Variants in TTC19 observed in about 807,000 individuals in gnomAD.
The protein encoded by TTC19 is tetratricopeptide repeat domain 19.
Under a neutral mutation model 49.5 loss-of-function variants are expected in TTC19, and 38 were observed. The observed-to-expected ratio is 0.77, with a 90% CI of 0.59 to 1.01. TTC19 has a LOEUF of 1.01. Among genes scored for constraint, TTC19 ranks in the 50% least tolerant of loss-of-function variants. TTC19 has a pLI of 0.00. For synonymous variants in TTC19, 204 were observed against 185.2 expected (o/e 1.10, Z -0.83); for missense variants, 475 against 477.7 (o/e 0.99, Z 0.05).
At chr17:16,026,443 G>A in intron 8 of TTC19, 97 bp from the exon 9 acceptor site, 1 of 1,147,976 alleles carries the variant, frequency 8.7e-7, no homozygotes, top group African/African-American at 1.5e-5. Flanking sequence ...TGCTAGGAAA[G>A]ATGAAATCTT....
At chr17:16,032,429 G>A (rs1212826063), downstream of TTC19, 1 of 1,613,668 alleles carries the variant, frequency 6.2e-7, no homozygotes, top group Non-Finnish European at 8.5e-7. Context: ...CGGTGTTGGT[G>A]GAGTACTGCT....
Position 16,044,747 on chromosome 17 carries a change from T to C in TTC19, c.*192T>C, listed in dbSNP as rs1032244518. 7.6e-5 allele frequency: 60 copies of C among 794,374 alleles called. 2 individuals are homozygous for C. Among genetic ancestry groups the C allele is most frequent in the South Asian group, 7.4e-4 (55 of 74,644 alleles). 49.2% of individuals were successfully genotyped at this position (794,374 alleles called of 1,614,324 possible). A position where few individuals can be genotyped will look rare whatever the true frequency, so the allele number is the denominator to read the frequency against. On this transcript the variant is annotated 3_prime_UTR_variant, in exon 3 of 3. Coordinates refer to the TTC19 transcript ENST00000470649. ...AGCTGGTGTAAATGTTGAACCTTTT[T>C]GGTCCAGCTTGTTTGCAATGGCCCT... is the stretch of plus-strand genomic sequence containing the variant.
intron 7 of TTC19, chr17:16,024,675 C>T (rs1231555011): frequency 3.1e-6 from 1 of 319,982 alleles, no homozygotes; most frequent in Non-Finnish European, 6.0e-6. Flanking sequence ...CTGTCTTCTT[C>T]CTGCATTGTT....
chr17:16,027,303 GCT>G (rs1441734031), intron 9 of TTC19, 69 bp from the exon 10 acceptor site: 77 of 1,572,784 alleles, frequency 4.9e-5, no homozygotes, highest in South Asian at 4.3e-4. Context: ...CTGCATTCAT[GCT>G]CTCTCTTCAG....
In TTC19 at chr17:16,027,628, T is replaced by C. The variant is rs1418512983; in HGVS notation, c.*106T>C. On this transcript the variant is annotated 3_prime_UTR_variant, in exon 10 of 10. Coordinates refer to ENST00000261647, the MANE Select transcript of TTC19 (RefSeq NM_017775.4). ...TGGCTTAAATCTGTCGTTTTTGATA[T>C]TCAGGTTTCCTCAATTTAGCCTTAG... 1.4e-6 allele frequency: 2 copies of C among 1,380,354 alleles called. No homozygotes were observed. Among genetic ancestry groups the C allele is most frequent in the South Asian group, 1.2e-5 (1 of 83,026 alleles). The allele number at this position is 1,380,354 out of a possible 1,614,324, so 85.5% of individuals were successfully genotyped here. A position where few individuals can be genotyped will look rare whatever the true frequency, so the allele number is the denominator to read the frequency against.
chr17:16,043,225 T>C (rs564484926), intron 2 of TTC19, among the ~76,000 whole-genome samples: 1 of 152,334 alleles, frequency 6.6e-6, no homozygotes, highest in South Asian at 2.1e-4. Context: ...ATAAAGTCAC[T>C]GATGTCCTTG....
chr17:16,003,805 G>T (rs182887842), intron 4 of TTC19, 26 bp from the exon 5 acceptor site: 375 of 1,607,044 alleles, frequency 2.3e-4, no homozygotes, highest in Middle Eastern at 5.0e-4. Flanking sequence ...CCAATTAAAA[G>T]AAAAATCTTT....
chr17:16,006,323 T>C, intron 6 of TTC19, 151 bp from the exon 7 acceptor site: 1 of 650,336 alleles, frequency 1.5e-6, no homozygotes, highest in Non-Finnish European at 2.8e-6. Flanking sequence ...GGCAGGAGAA[T>C]CGCTTGAACC....
At chr17:16,002,711 A>C in intron 3 of TTC19, 82 bp from the exon 4 acceptor site, 1 of 1,381,910 alleles carries the variant, frequency 7.2e-7, no homozygotes, top group Non-Finnish European at 1.0e-6. Flanking sequence ...TTGAGGGTGA[A>C]AGCAAAAGGG....
intron 2 of TTC19, among the ~76,000 whole-genome samples, chr17:16,037,698 C>T (rs1156878096): frequency 6.6e-6 from 1 of 152,216 alleles, no homozygotes; most frequent in East Asian, 1.9e-4. Flanking sequence ...AAAGGAAAAA[C>T]TGCAGAACAA....
chr17:16,013,562 CTG>C (rs1225556068), intron 7 of TTC19, among the ~76,000 whole-genome samples: 15 of 152,092 alleles, frequency 9.9e-5, no homozygotes, highest in African/African-American at 3.6e-4. Flanking sequence ...AAGCTGGTGA[CTG>C]TTTTCTTGCA....
chr17:16,019,777 C>CT (rs1389558471), intron 7 of TTC19, among the ~76,000 whole-genome samples: 2 of 152,130 alleles, frequency 1.3e-5, no homozygotes, highest in Non-Finnish European at 2.9e-5. Context: ...GGACTTGCAT[C>CT]TTTGTGCACA....
intron 7 of TTC19, among the ~76,000 whole-genome samples, chr17:16,012,686 A>G (rs1033609963): frequency 6.6e-6 from 1 of 151,710 alleles, no homozygotes; most frequent in Non-Finnish European, 1.5e-5. Context: ...TTACAGGCAT[A>G]TGCCACCACG....
At chr17:16,037,067 T>C (rs1036353186) in intron 2 of TTC19, among the ~76,000 whole-genome samples, 3 of 152,152 alleles carry the variant, frequency 2.0e-5, no homozygotes, top group East Asian at 3.8e-4. Context: ...TTAGAAGCCA[T>C]TGCAGGGTTA....
In TTC19 at chr17:16,027,332, T is replaced by TA. The variant is rs780523606; in HGVS notation, c.995-41dup. Reference sequence around the variant, plus strand: ...TCTCTTCAGAATCACCTTGAAAACATACACTTTCTTCTTACTGTCCCTTCT... The same window carrying TA: ...TCTCTTCAGAATCACCTTGAAAACATAACACTTTCTTCTTACTGTCCCTTCT... On this transcript the variant is annotated intron_variant, in intron 9 of 9. Transcript: ENST00000261647. 2.3e-5 allele frequency: 37 copies of TA among 1,610,998 alleles called. No individual in the cohort carries two copies. In the East Asian group the frequency reaches 7.6e-4, roughly 33 times the overall value.
rs1049878666 is a variant in TTC19, at chr17:16,001,948, G to A, written c.346G>A (p.Glu116Lys). 6.2e-7 allele frequency: 1 copy of A among 1,613,408 alleles called. No homozygotes were observed. Residue 116 changes from glutamate to lysine, a missense_variant, in exon 3 of 10, where the codon GAG (glutamate) becomes AAG (lysine). Coordinates refer to ENST00000261647, the MANE Select transcript of TTC19 (RefSeq NM_017775.4). ...TATGAAAGATGAGCCAGAAGAGGCTGAGTTAATTTTGCATGACGCTCTTCG... is the reference window on the plus strand; with the variant it reads ...TATGAAAGATGAGCCAGAAGAGGCTAAGTTAATTTTGCATGACGCTCTTCG... The part of the protein sequence containing the change: ...SIMKDEPEEA[E>K]LILHDALRLA...
downstream of TTC19, chr17:16,031,699 C>G (rs1452987296): frequency 8.8e-6 from 2 of 228,038 alleles, no homozygotes; most frequent in Non-Finnish European, 1.7e-5. Context: ...ATGACAGGGT[C>G]TGTGTTAAAA....
At position 16,006,492 on chromosome 17, in the gene TTC19, TG is replaced by T; in HGVS notation, c.602del (p.Gly201AlafsTer9). 1 of 1,612,674 alleles carries T rather than the reference TG, an allele frequency of 6.2e-7. No individual in the cohort carries two copies. The highest frequency in any genetic ancestry group is 8.5e-7 in the Non-Finnish European group (1 of 1,178,892). ...AQNRQEFAVA[G>X]YEFCISTLEE... The stretch of plus-strand genomic sequence containing the variant: ...TTTACAGACAGGAATTTGCTGTTGC[TG>T]GCTATGAATTCTGCATTTCAACTCT... On this transcript the variant is annotated frameshift_variant, in exon 7 of 10. Coordinates refer to ENST00000261647, the MANE Select transcript of TTC19 (RefSeq NM_017775.4). LOFTEE classifies it high-confidence loss of function.
chr17:16,017,011 CTTCT>C (rs1305852924), intron 7 of TTC19, among the ~76,000 whole-genome samples: 1 of 152,092 alleles, frequency 6.6e-6, no homozygotes, highest in Non-Finnish European at 1.5e-5. Flanking sequence ...TTTTTAAAAT[CTTCT>C]TTCTTTATAC....
Sources: allele counts gnomAD v4.1 joint callset (sites outside exome capture counted in the v4.1 genomes callset), GRCh38; gene constraint gnomAD v4.1.1; transcripts MANE v1.5; gene names NCBI Gene and HGNC (gene_info 2026-07-23, HGNC 2026-07-21).